Variants in DOT1L observed in about 807,000 individuals in gnomAD.
DOT1L encodes the protein DOT1 like histone lysine methyltransferase, also known as histone-lysine N-methyltransferase, H3 lysine-79 specific.
Under a neutral mutation model 153.3 loss-of-function variants are expected in DOT1L, and 33 were observed. The observed-to-expected ratio is 0.22, with a 90% CI of 0.16 to 0.29. The LOEUF (loss-of-function observed/expected upper bound fraction) is 0.29. Among genes scored for constraint, DOT1L ranks in the 10% least tolerant of loss-of-function variants. The pLI, the probability that DOT1L is intolerant of heterozygous loss-of-function variation, is 1.00. For synonymous variants in DOT1L, 1,135 were observed against 965.1 expected (o/e 1.18, Z -3.26); for missense variants, 1,847 against 2,119.9 (o/e 0.87, Z 2.53).
intron 27 of DOT1L, chr19:2,228,393 A>C (rs766473486): frequency 7.9e-7 from 1 of 1,267,024 alleles, no homozygotes; most frequent in Admixed American, 2.5e-5. Context: ...GTAAGGCCAG[A>C]GCCCTGCGCG....
At chr19:2,210,107 G>T (rs1489439488) in intron 12 of DOT1L, among the ~76,000 whole-genome samples, 1 of 152,246 alleles carries the variant, frequency 6.6e-6, no homozygotes, top group African/African-American at 2.4e-5. Flanking sequence ...TCTTGGATGT[G>T]GTTCTTTTTC....
chr19:2,214,752 G>A, intron 19 of DOT1L, 156 bp downstream of exon 19: 2 of 1,173,674 alleles, frequency 1.7e-6, no homozygotes, highest in South Asian at 1.6e-5. Context: ...TTCTGTCTTG[G>A]GCCGCAGGCT....
chr19:2,226,489 C>G lies in DOT1L; in HGVS notation c.3968C>G (p.Ala1323Gly). 6.2e-7 allele frequency: 1 copy of G among 1,600,812 alleles called. No homozygotes were observed. Among genetic ancestry groups the G allele is most frequent in the Non-Finnish European group, 8.5e-7 (1 of 1,179,670 alleles). ...GGCTGCACCTTCGGCGGGGGCCTGG[C>G]CGCGGACCTGAGTTTACACAGCTTC... ...ANGCTFGGGL[A>G]ADLSLHSFSD... is the part of the protein sequence containing the mutation. The change falls in exon 27 of 28, where the codon GCC becomes GGC. Residue 1323 changes from alanine to glycine, a missense_variant. Physicochemically the swap from Ala to Gly is moderately conservative, Grantham distance 60. Coordinates refer to ENST00000398665, the MANE Select transcript of DOT1L (RefSeq NM_032482.3).
chr19:2,209,215 T>A (rs144401066), intron 12 of DOT1L, among the ~76,000 whole-genome samples: 29 of 152,034 alleles, frequency 1.9e-4, no homozygotes, highest in Admixed American at 5.9e-4. Context: ...CCAGCCCTTT[T>A]CTCTCACCAT....
At chr19:2,196,504 T>TC (rs1568345019) in intron 7 of DOT1L, among the ~76,000 whole-genome samples, 1 of 152,138 alleles carries the variant, frequency 6.6e-6, no homozygotes, top group Non-Finnish European at 1.5e-5. Flanking sequence ...GGCTAATTTT[T>TC]GTATTTTTAG....
intron 19 of DOT1L, chr19:2,215,925 G>C: frequency 4.7e-6 from 1 of 213,868 alleles, no homozygotes; most frequent in Non-Finnish European, 9.1e-6. Context: ...CTCAGCGCCC[G>C]GGGAAGCTGC....
Position 2,194,198 on chromosome 19 carries a change from T to C in DOT1L, c.589-317T>C, listed in dbSNP as rs190864069. On this transcript the variant is annotated intron_variant, in intron 6 of 27. Coordinates refer to ENST00000398665, the MANE Select transcript of DOT1L (RefSeq NM_032482.3). Reference sequence around the variant, plus strand: ...GTTTTGTTTTGTTTTTGAGACAGAGTCTCGCTCAGTCGCCCAGGCTGGAGT... The same window carrying C: ...GTTTTGTTTTGTTTTTGAGACAGAGCCTCGCTCAGTCGCCCAGGCTGGAGT... 6.2e-3 allele frequency among the ~76,000 whole-genome samples: 946 copies of C among 151,816 alleles called. 5 individuals carry two copies. Among genetic ancestry groups the C allele is most frequent in the Non-Finnish European group, 8.6e-3 (587 of 67,946 alleles).
Position 2,227,105 on chromosome 19 carries a change from G to C in DOT1L, c.4584G>C (p.Gly1528=). 1 of 1,553,372 alleles carries C rather than the reference G, an allele frequency of 6.4e-7. No individual in the cohort carries two copies. The highest frequency in any genetic ancestry group is 8.7e-7 in the Non-Finnish European group (1 of 1,156,012). The change falls in exon 27 of 28, where the codon GGG becomes GGC. Residue 1528 remains glycine (G), a synonymous_variant. Coordinates refer to ENST00000398665, the MANE Select transcript of DOT1L (RefSeq NM_032482.3). ...TNSHAMGSFS[G]VAGGTVGGN ...CGCACGCCATGGGCAGCTTTTCCGG[G>C]GTGGCAGGCGGCACAGTTGGAGGTA...
At position 2,230,790 on chromosome 19, in the gene DOT1L, G is replaced by C. The variant is rs2024566583; in HGVS notation, c.*998G>C. 2.6e-6 allele frequency: 1 copy of C among 389,442 alleles called. No individual in the cohort carries two copies. Among genetic ancestry groups the C allele is most frequent in the South Asian group, 1.4e-4 (1 of 6,958 alleles). 24.1% of individuals were successfully genotyped at this position (389,442 alleles called of 1,614,324 possible). ...TCAAACAGTGCACAAAATGGCCCCA[G>C]CGTCAGCCCCGACCCTAGACCCCTC... On this transcript the variant is annotated 3_prime_UTR_variant, in exon 28 of 28. Coordinates refer to ENST00000398665, the MANE Select transcript of DOT1L (RefSeq NM_032482.3).
chr19:2,177,420 C>T (rs2021998670), intron 1 of DOT1L, among the ~76,000 whole-genome samples: 1 of 152,136 alleles, frequency 6.6e-6, no homozygotes, highest in South Asian at 2.1e-4. Flanking sequence ...TCTCAGCCTC[C>T]CTAGTAGCTG....
At chr19:2,181,048 G>T (rs142361000) in intron 2 of DOT1L, among the ~76,000 whole-genome samples, 1 of 152,182 alleles carries the variant, frequency 6.6e-6, no homozygotes, top group Non-Finnish European at 1.5e-5. Flanking sequence ...GTTTTGGGCC[G>T]ACCTTCACCC....
intron 3 of DOT1L, among the ~76,000 whole-genome samples, chr19:2,188,480 G>GCCCCCCCCCCCCCCCCCCC (rs375314788): frequency 1.5e-5 from 1 of 66,998 alleles, no homozygotes; most frequent in Non-Finnish European, 2.9e-5. Flanking sequence ...CCCAGCCGCC[G>GCCCCCCCCCCCCCCCCCCC]CCCCCCCCCC....
chr19:2,208,787 G>A lies in DOT1L; in HGVS notation c.964-148G>A. 1.3e-6 allele frequency: 1 copy of A among 777,694 alleles called. No individual in the cohort carries two copies. The highest frequency in any genetic ancestry group is 2.1e-6 in the Non-Finnish European group (1 of 475,298). 48.2% of individuals were successfully genotyped at this position (777,694 alleles called of 1,614,324 possible). On this transcript the variant is annotated intron_variant, in intron 11 of 27. Coordinates refer to ENST00000398665, the MANE Select transcript of DOT1L (RefSeq NM_032482.3). The surrounding 1 kb of genome is among the most constrained non-coding windows in gnomAD (Gnocchi z 4.4). ...TAGTCACATCCGCGTTTGCCACTGG[G>A]GGGCTCTAGCTGCATGCCTGCTGTC...
rs944801665 is a variant in DOT1L at position 2,204,562 on chromosome 19, G to A, written c.787+1783G>A. On this transcript the variant is annotated intron_variant, in intron 9 of 27. Coordinates refer to ENST00000398665, the MANE Select transcript of DOT1L (RefSeq NM_032482.3). This position sits in a 1 kb window ranked among gnomAD's most constrained non-coding sequence, Gnocchi z 5.7. ...GTCCTCGTACCCGCTGCCCTAGAACGCCTCTTCTGGCTGTTTCTCGCCAGC... is the reference window on the plus strand; with the variant it reads ...GTCCTCGTACCCGCTGCCCTAGAACACCTCTTCTGGCTGTTTCTCGCCAGC... 6.6e-6 allele frequency among the ~76,000 whole-genome samples: 1 copy of A among 152,148 alleles called. No individual in the cohort carries two copies. Among genetic ancestry groups the A allele is most frequent in the African/African-American group, 2.4e-5 (1 of 41,428 alleles).
Position 2,193,074 on chromosome 19 carries a change from G to T in DOT1L, c.494-615G>T, listed in dbSNP as rs1292407608. On this transcript the variant is annotated intron_variant, in intron 5 of 27. Transcript: ENST00000398665. This position sits in a 1 kb window ranked among gnomAD's most constrained non-coding sequence, Gnocchi z 5.9. Reference sequence around the variant, plus strand: ...CTTGACACCCCCGGTGTGCGCCGCTGCCTCCACCCTCCTGACGCTGGCGTA... The same window carrying T: ...CTTGACACCCCCGGTGTGCGCCGCTTCCTCCACCCTCCTGACGCTGGCGTA... Among the ~76,000 whole-genome samples, 1 of 152,138 alleles carries T rather than the reference G, an allele frequency of 6.6e-6. No homozygotes were observed. The highest frequency in any genetic ancestry group is 1.5e-5 in the Non-Finnish European group (1 of 68,036).
chr19:2,167,571 T>C (rs1188881758), intron 1 of DOT1L, among the ~76,000 whole-genome samples: 1 of 152,226 alleles, frequency 6.6e-6, no homozygotes, highest in East Asian at 1.9e-4. Context: ...GGCCTCTTCC[T>C]GCTCTGGTTG....
chr19:2,216,643 G>C lies in DOT1L; in HGVS notation c.2286G>C (p.Lys762Asn). ...PSHVGRPRLEKLSGLAAPDYT... is the reference protein window; with the variant it reads ...PSHVGRPRLENLSGLAAPDYT... Reference sequence around the variant, plus strand: ...ACGTCGGCCGGCCGCGCCTGGAGAAGCTGTCTGGCCTAGCCGCACCCGACT... The same window carrying C: ...ACGTCGGCCGGCCGCGCCTGGAGAACCTGTCTGGCCTAGCCGCACCCGACT... Residue 762 changes from lysine (K) to asparagine (N), a missense_variant, in exon 20 of 28, where the codon AAG becomes AAC. Lys to Asn is a moderately conservative substitution (Grantham distance 94). This residue lies in a region of DOT1L where 281 missense variants were observed against 263.6 expected (regional missense o/e 1.07). Coordinates refer to ENST00000398665, the MANE Select transcript of DOT1L (RefSeq NM_032482.3). The C allele has an allele frequency of 1.2e-6, 2 of 1,605,570 alleles. No homozygotes were observed. Among genetic ancestry groups the C allele is most frequent in the Non-Finnish European group, 1.7e-6 (2 of 1,179,910 alleles).
chr19:2,194,693 C>G, intron 7 of DOT1L, 116 bp downstream of exon 7: 2 of 454,240 alleles, frequency 4.4e-6, no homozygotes, highest in Non-Finnish European at 6.7e-6. Context: ...ACATGGTGTG[C>G]CCCCTGGAGT....
rs2144737734 is a variant in DOT1L, at chr19:2,190,010, C to A, written c.264+215C>A. On this transcript the variant is annotated intron_variant, in intron 4 of 27. Transcript: ENST00000398665. This position sits in a 1 kb window ranked among gnomAD's most constrained non-coding sequence, Gnocchi z 4.8. Reference sequence around the variant, plus strand: ...TGGCCGTGTGCCAAAGCAGAGCCGTCCGTGGTTTGTGTGCTGAGGCAGGGC... The same window carrying A: ...TGGCCGTGTGCCAAAGCAGAGCCGTACGTGGTTTGTGTGCTGAGGCAGGGC... Among the ~76,000 whole-genome samples, 1 of 152,258 alleles carries A rather than the reference C, an allele frequency of 6.6e-6. No homozygotes were observed. Among genetic ancestry groups the A allele is most frequent in the African/African-American group, 2.4e-5 (1 of 41,546 alleles).
Sources: gnomAD v4.1 joint callset for allele counts (sites outside exome capture counted in the v4.1 genomes callset) on GRCh38, gnomAD v4.1.1 for gene constraint, gnomAD v4.1.1 regional missense constraint, Gnocchi (gnomAD v3.1) non-coding constraint, MANE v1.5 for transcripts, NCBI Gene and HGNC (gene_info 2026-07-23, HGNC 2026-07-21) for gene names.